Variants in GCNT2 observed in about 807,000 individuals in gnomAD.
GCNT2 encodes the protein N-acetyllactosaminide beta-1,6-N-acetylglucosaminyl-transferase.
GCNT2 carries 34 observed loss-of-function variants against 34.2 expected under a neutral mutation model. The ratio of observed to expected loss-of-function variants is 1.00; its 90% CI spans 0.76 to 1.32. The LOEUF is 1.32. Ranked by LOEUF, GCNT2 falls within the 40% of genes most tolerant of loss-of-function variation. The pLI is 0.00. For synonymous variants in GCNT2, 212 were observed against 188.0 expected (o/e 1.13, Z -1.04); for missense variants, 584 against 489.4 (o/e 1.19, Z -1.82).
chr6:10,574,723 C>CT, intron 3 of GCNT2: 1 of 499,758 alleles, frequency 2.0e-6, no homozygotes, highest in East Asian at 4.3e-5. Context: ...GTCTAGAGGT[C>CT]TTTTATTTTT....
At chr6:10,605,134 G>C (rs1765252353) in intron 3 of GCNT2, among the ~76,000 whole-genome samples, 1 of 150,890 alleles carries the variant, frequency 6.6e-6, no homozygotes, top group Non-Finnish European at 1.5e-5. Context: ...GACAGAGTGA[G>C]ATCCTATCTC....
At chr6:10,557,346 C>T (rs746393022) in intron 3 of GCNT2, 15 of 1,604,178 alleles carry the variant, frequency 9.4e-6, no homozygotes, top group South Asian at 6.6e-5. Flanking sequence ...ATTCCAGGTA[C>T]GTACAATTCC....
At chr6:10,583,950 C>T (rs1338071510) in intron 3 of GCNT2, among the ~76,000 whole-genome samples, 1 of 152,142 alleles carries the variant, frequency 6.6e-6, no homozygotes, top group Non-Finnish European at 1.5e-5. Flanking sequence ...GAGCCTGCCT[C>T]TCCACTCCTG....
chr6:10,541,132 C>T lies in GCNT2; in HGVS notation c.925+11296C>T, dbSNP rs534100405. Among the ~76,000 whole-genome samples the T allele has an allele frequency of 1.6e-4, 25 of 152,270 alleles. No individual in the cohort carries two copies. The South Asian group carries it at 3.1e-3, about 19-fold the overall frequency. On this transcript the variant is annotated intron_variant, in intron 3 of 4. Coordinates refer to ENST00000495262, the MANE Select transcript of GCNT2 (RefSeq NM_145649.5). ...CCCATCACCTACGTATTAAGCCCAG[C>T]GTCTCTATTAGCTCTTCTTCCTGAT... is the stretch of plus-strand genomic sequence containing the variant.
At chr6:10,626,124 A>G (rs1390993307) in intron 4 of GCNT2, among the ~76,000 whole-genome samples, 1 of 152,224 alleles carries the variant, frequency 6.6e-6, no homozygotes, top group Non-Finnish European at 1.5e-5. Context: ...CACAATTTTC[A>G]TATTAATTTT....
intron 3 of GCNT2, among the ~76,000 whole-genome samples, chr6:10,560,314 T>C (rs1164342381): frequency 1.1e-4 from 17 of 152,114 alleles, no homozygotes; most frequent in African/African-American, 4.1e-4. Flanking sequence ...TAGTCTCGAA[T>C]TCCTGAGCTC....
chr6:10,540,126 TGGAA>T (rs201188967), intron 3 of GCNT2, among the ~76,000 whole-genome samples: 155 of 149,900 alleles, frequency 1.0e-3, no homozygotes, highest in Middle Eastern at 3.4e-3. Flanking sequence ...AAGTAAAGGA[TGGAA>T]GGAAGGAAGG....
At chr6:10,556,033 A>T in intron 3 of GCNT2, 1 of 1,139,838 alleles carries the variant, frequency 8.8e-7, no homozygotes, top group Non-Finnish European at 1.1e-6. Flanking sequence ...GAATGGCAGT[A>T]ACCAGGGGGC....
rs548384958 is a variant in GCNT2 at position 10,549,713 on chromosome 6, C to G, written c.925+19877C>G. ...CAGTCTCCCCAGTAGCTCTCTGTCT[C>G]TCTTTTAATCCCTTTCCTACACCGT... On this transcript the variant is annotated intron_variant, in intron 3 of 4. Transcript: ENST00000495262. Among the ~76,000 whole-genome samples the G allele has an allele frequency of 2.5e-4, 38 of 151,852 alleles. No individual in the cohort carries two copies. In the South Asian group the frequency reaches 6.9e-3, roughly 27 times the overall value.
intron 3 of GCNT2, among the ~76,000 whole-genome samples, chr6:10,540,079 A>G (rs1240806805): frequency 6.6e-6 from 1 of 150,950 alleles, no homozygotes; most frequent in Non-Finnish European, 1.5e-5. Context: ...CCCCATCTCA[A>G]AAAAAAAGGA....
chr6:10,564,343 C>CT (rs1036905276), intron 3 of GCNT2, among the ~76,000 whole-genome samples: 7 of 152,168 alleles, frequency 4.6e-5, no homozygotes, highest in Non-Finnish European at 1.0e-4. Flanking sequence ...AACTCAGACT[C>CT]TCCCCTTTGC....
At chr6:10,547,512 A>G (rs1288328638) in intron 3 of GCNT2, among the ~76,000 whole-genome samples, 1 of 152,170 alleles carries the variant, frequency 6.6e-6, no homozygotes, top group Non-Finnish European at 1.5e-5. Flanking sequence ...TTTAGGTTAT[A>G]CCTTTTGGGC....
chr6:10,602,956 TGAAA>T (rs1302256785), intron 3 of GCNT2, among the ~76,000 whole-genome samples: 1 of 152,190 alleles, frequency 6.6e-6, no homozygotes, highest in Non-Finnish European at 1.5e-5. Context: ...TACTTTTATT[TGAAA>T]GAGTCAGTAA....
chr6:10,522,602 C>G (rs1019358337), intron 1 of GCNT2, among the ~76,000 whole-genome samples: 20 of 152,260 alleles, frequency 1.3e-4, no homozygotes, highest in Middle Eastern at 3.4e-3. Flanking sequence ...TCTGATTGAA[C>G]AGCATATTGC....
chr6:10,535,404 G>T (rs948174004), intron 3 of GCNT2, among the ~76,000 whole-genome samples: 1 of 152,096 alleles, frequency 6.6e-6, no homozygotes, highest in African/African-American at 2.4e-5. Context: ...CCCCACTTCC[G>T]TCTTTTACCC....
intron 3 of GCNT2, among the ~76,000 whole-genome samples, chr6:10,613,572 G>A (rs59604766): frequency 0.17 from 25,793 of 152,088 alleles, 4,151 homozygotes; most frequent in African/African-American, 0.42. Context: ...TACTAGTTGT[G>A]TCCCATTAGA....
intron 3 of GCNT2, among the ~76,000 whole-genome samples, chr6:10,531,874 CTT>C (rs71548846): frequency 1.1e-4 from 14 of 129,534 alleles, no homozygotes; most frequent in African/African-American, 1.7e-4. Flanking sequence ...CCAATCCCCA[CTT>C]TTTTTTTTTT....
chr6:10,535,145 C>T (rs569361134), intron 3 of GCNT2, among the ~76,000 whole-genome samples: 1 of 152,284 alleles, frequency 6.6e-6, no homozygotes, highest in South Asian at 2.1e-4. Flanking sequence ...GATCGCGCCA[C>T]TGCACTTCAG....
intron 3 of GCNT2, among the ~76,000 whole-genome samples, chr6:10,607,839 T>C (rs1337565230): frequency 6.6e-6 from 1 of 152,154 alleles, no homozygotes; most frequent in Non-Finnish European, 1.5e-5. Context: ...GTTCACATGG[T>C]AAACATGCTG....
Sources: gnomAD v4.1 joint callset for allele counts (sites outside exome capture counted in the v4.1 genomes callset) on GRCh38, gnomAD v4.1.1 for gene constraint, MANE v1.5 for transcripts, NCBI Gene and HGNC (gene_info 2026-07-23, HGNC 2026-07-21) for gene names.